The following SUGCT variants were observed in gnomAD, a reference collection of about 807,000 sequenced individuals.
SUGCT encodes the protein succinyl-CoA:glutarate-CoA transferase, also known as succinyl-CoA:glutarate CoA-transferase.
A neutral mutation model predicts 55.0 loss-of-function variants in SUGCT; 41 were observed. The observed-to-expected ratio is 0.74, with a 90% CI of 0.58 to 0.97. SUGCT has a LOEUF of 0.97. Ranked by LOEUF, SUGCT falls within the 50% of genes least tolerant of loss-of-function variation. The pLI is 0.00. For missense variants in SUGCT, 568 were observed against 547.8 expected, an observed-to-expected ratio of 1.04 and a Z score of -0.37; for synonymous variants, 187 against 200.4, an observed-to-expected ratio of 0.93 and a Z score of 0.56.
At chr7:40,560,915 A>G (rs1023838517) in intron 12 of SUGCT, among the ~76,000 whole-genome samples, 1 of 152,256 alleles carries the variant, frequency 6.6e-6, no homozygotes, top group African/African-American at 2.4e-5. Flanking sequence ...ATAGCATCAC[A>G]ACAAAATTAG....
intron 13 of SUGCT, among the ~76,000 whole-genome samples, chr7:40,778,053 C>A (rs140223762): frequency 6.6e-6 from 1 of 152,318 alleles, no homozygotes; most frequent in Non-Finnish European, 1.5e-5. Flanking sequence ...TCTAGCTCAG[C>A]GACTTAGTTT....
chr7:40,640,066 A>G (rs1158952698), intron 12 of SUGCT, among the ~76,000 whole-genome samples: 1 of 152,174 alleles, frequency 6.6e-6, no homozygotes, highest in East Asian at 1.9e-4. Context: ...GCTAGAACTC[A>G]TTTCAGAAAG....
chr7:40,512,825 A>T (rs1049562557), intron 12 of SUGCT, among the ~76,000 whole-genome samples: 1 of 152,092 alleles, frequency 6.6e-6, no homozygotes, highest in Non-Finnish European at 1.5e-5. Flanking sequence ...TGCAGATGAG[A>T]GATAGTGAGA....
At chr7:40,658,637 C>G (rs1180679396) in intron 12 of SUGCT, among the ~76,000 whole-genome samples, 1 of 152,182 alleles carries the variant, frequency 6.6e-6, no homozygotes, top group Non-Finnish European at 1.5e-5. Flanking sequence ...ATGCTATGGA[C>G]ACTTCATTTA....
chr7:40,404,923 T>A (rs1786277424), intron 9 of SUGCT, among the ~76,000 whole-genome samples: 1 of 152,222 alleles, frequency 6.6e-6, no homozygotes, highest in East Asian at 1.9e-4. Context: ...AATAGTGGTT[T>A]CTATTCCTAA....
chr7:40,734,131 G>A (rs569366899), intron 12 of SUGCT, among the ~76,000 whole-genome samples: 1 of 152,130 alleles, frequency 6.6e-6, no homozygotes, highest in Non-Finnish European at 1.5e-5. Flanking sequence ...CAGAGAGAAA[G>A]GTCTCCATAA....
chr7:40,944,935 G>T, the SUGCT span, among the ~76,000 whole-genome samples: 26 of 152,318 alleles, frequency 1.7e-4, no homozygotes, highest in Non-Finnish European at 3.5e-4. Flanking sequence ...TGCTTAGTGT[G>T]TGAGCAGGTT....
At position 40,552,485 on chromosome 7, in the gene SUGCT, C is replaced by T. The variant is rs140336220; in HGVS notation, c.1089+56099C>T. 5.8e-3 allele frequency among the ~76,000 whole-genome samples: 882 copies of T among 152,240 alleles called. 5 individuals carry two copies. The highest frequency in any genetic ancestry group is 0.02 in the African/African-American group (811 of 41,542). The stretch of plus-strand genomic sequence containing the variant: ...AGATCACCCAGGGCCTGGTGATGGC[C>T]TGCGAGGACAGCTGGAATGGCTCAA... On this transcript the variant is annotated intron_variant, in intron 12 of 13. Transcript: ENST00000335693.
chr7:40,931,492 G>T, the SUGCT span, among the ~76,000 whole-genome samples: 1 of 152,164 alleles, frequency 6.6e-6, no homozygotes, highest in Non-Finnish European at 1.5e-5. Context: ...GTTTCAGAAG[G>T]AATGGTACCA....
At chr7:40,825,441 T>C (rs924106183) in intron 13 of SUGCT, among the ~76,000 whole-genome samples, 1 of 152,198 alleles carries the variant, frequency 6.6e-6, no homozygotes. Flanking sequence ...GTGGCTTAAA[T>C]GAAGAACCTT....
At chr7:40,881,565 TG>T in the SUGCT span, among the ~76,000 whole-genome samples, 2 of 152,230 alleles carry the variant, frequency 1.3e-5, no homozygotes, top group African/African-American at 4.8e-5. Flanking sequence ...GGCTGGGAGA[TG>T]GGGGTGGCCC....
At chr7:41,019,062 T>C in the SUGCT span, among the ~76,000 whole-genome samples, 2 of 151,798 alleles carry the variant, frequency 1.3e-5, no homozygotes, top group Admixed American at 6.6e-5. Flanking sequence ...CCTGCCACCA[T>C]GCCCAGCTAA....
chr7:40,863,427 G>C (rs1794528788), downstream of SUGCT, among the ~76,000 whole-genome samples: 1 of 152,098 alleles, frequency 6.6e-6, no homozygotes, highest in Non-Finnish European at 1.5e-5. Flanking sequence ...GTATTTTAAA[G>C]GCTTTATAGA....
intron 9 of SUGCT, among the ~76,000 whole-genome samples, chr7:40,332,085 C>A (rs1796341596): frequency 6.6e-6 from 1 of 152,102 alleles, no homozygotes; most frequent in African/African-American, 2.4e-5. Context: ...TTGGAATGAC[C>A]ATTTTTGGTT....
chr7:41,024,661 C>CAA, the SUGCT span, among the ~76,000 whole-genome samples: 4,891 of 121,370 alleles, frequency 0.04, 305 homozygotes, highest in African/African-American at 0.12. Context: ...AACAATTTGG[C>CAA]AAAAAAAAAA....
chr7:40,727,065 C>A (rs147733113), intron 12 of SUGCT, among the ~76,000 whole-genome samples: 12 of 152,328 alleles, frequency 7.9e-5, no homozygotes, highest in African/African-American at 2.9e-4. Context: ...TATTAGTAGT[C>A]ATGCTATCGT....
At position 40,611,005 on chromosome 7, in the gene SUGCT, G is replaced by A. The variant is rs139250283; in HGVS notation, c.1089+114619G>A. Among the ~76,000 whole-genome samples, 513 of 152,264 alleles carry A rather than the reference G, an allele frequency of 3.4e-3. 1 individual carries two copies. The highest frequency in any genetic ancestry group is 0.012 in the African/African-American group (484 of 41,544). On this transcript the variant is annotated intron_variant, in intron 12 of 13. Transcript: ENST00000335693. Reference sequence around the variant, plus strand: ...GCTGGGTAAGGAAGTGGAATTAGGGGAAAGGCATGCATTTTAGACATTTCC... The same window carrying A: ...GCTGGGTAAGGAAGTGGAATTAGGGAAAAGGCATGCATTTTAGACATTTCC...
intron 11 of SUGCT, among the ~76,000 whole-genome samples, chr7:40,486,113 G>T (rs1356262120): frequency 3.9e-5 from 6 of 152,124 alleles, no homozygotes; most frequent in Non-Finnish European, 7.4e-5. Context: ...CTGTTTTGTA[G>T]AATTCAGCTG....
chr7:40,531,379 A>G (rs1350459253), intron 12 of SUGCT, among the ~76,000 whole-genome samples: 3 of 152,100 alleles, frequency 2.0e-5, no homozygotes, highest in Non-Finnish European at 4.4e-5. Context: ...TTCTGACCCC[A>G]AATTCTGGGC....
Sources: gnomAD v4.1 joint callset for allele counts (sites outside exome capture counted in the v4.1 genomes callset) on GRCh38, gnomAD v4.1.1 for gene constraint, MANE v1.5 for transcripts, NCBI Gene and HGNC (gene_info 2026-07-23, HGNC 2026-07-21) for gene names.